ZNF704: variants seen among roughly 807,000 people sequenced by gnomAD.
The protein encoded by ZNF704 is glucocorticoid induced gene 1.
In ZNF704, 10 loss-of-function variants were observed where a neutral mutation model predicts 44.7. That is an observed-to-expected ratio of 0.22 (90% CI 0.14 to 0.38). ZNF704 has a LOEUF of 0.38. Among genes scored for constraint, ZNF704 ranks in the 10% least tolerant of loss-of-function variants. The pLI is 1.00. For synonymous variants in ZNF704, 211 were observed against 207.6 expected (o/e 1.02, Z -0.14); for missense variants, 390 against 545.5 (o/e 0.71, Z 2.84).
In ZNF704 at chr8:80,719,524, G is replaced by A. The variant is rs184149590; in HGVS notation, c.222-26417C>T. ...GGTGGCCCTTTTCAAAATGTGCACC[G>A]GTCAATTATCACAAAGCTTTAAGGA... On this transcript the variant is annotated intron_variant, in intron 2 of 8. Coordinates refer to ENST00000327835, the MANE Select transcript of ZNF704 (RefSeq NM_001033723.3). Among the ~76,000 whole-genome samples, 212 of 152,166 alleles carry A rather than the reference G, an allele frequency of 1.4e-3. 1 individual carries two copies. Among genetic ancestry groups the A allele is most frequent in the African/African-American group, 4.9e-3 (202 of 41,502 alleles).
chr8:80,674,212 A>G (rs1336094545), intron 4 of ZNF704, among the ~76,000 whole-genome samples: 2 of 152,228 alleles, frequency 1.3e-5, no homozygotes, highest in Non-Finnish European at 2.9e-5. Context: ...GAAATGTAAG[A>G]TGCGCCAGAT....
At chr8:80,646,611 CAG>C (rs1208870176) in intron 7 of ZNF704, among the ~76,000 whole-genome samples, 1 of 152,136 alleles carries the variant, frequency 6.6e-6, no homozygotes, top group Non-Finnish European at 1.5e-5. Flanking sequence ...AGGTAACATT[CAG>C]AGTTTTTAAA....
chr8:80,762,233 G>A (rs965631283), intron 2 of ZNF704, among the ~76,000 whole-genome samples: 1 of 152,218 alleles, frequency 6.6e-6, no homozygotes, highest in Non-Finnish European at 1.5e-5. Flanking sequence ...TGAAGGGGCA[G>A]AAGTCATAAG....
intron 1 of ZNF704, among the ~76,000 whole-genome samples, chr8:80,871,594 G>C (rs1262451530): frequency 6.6e-6 from 1 of 152,170 alleles, no homozygotes; most frequent in Middle Eastern, 3.2e-3. Context: ...TTGTTGCTAT[G>C]ATGCCTCTCA....
At chr8:80,843,947 G>GTA (rs902499336) in intron 1 of ZNF704, among the ~76,000 whole-genome samples, 1 of 141,296 alleles carries the variant, frequency 7.1e-6, no homozygotes, top group Non-Finnish European at 1.6e-5. Context: ...ATATGTGTAT[G>GTA]TATATATATG....
rs181522166 is a variant in ZNF704, at chr8:80,843,037, G to A, written c.-21-21422C>T. On this transcript the variant is annotated intron_variant, in intron 1 of 8. Coordinates refer to ENST00000327835, the MANE Select transcript of ZNF704 (RefSeq NM_001033723.3). ...AAGACAACTCTACATTAGCTAAAAT[G>A]TACCTACAGCTCTGTACCACTGCTA... Among the ~76,000 whole-genome samples the A allele has an allele frequency of 2.8e-4, 43 of 152,214 alleles. 1 individual carries two copies. Among genetic ancestry groups the A allele is most frequent in the African/African-American group, 9.9e-4 (41 of 41,540 alleles).
chr8:80,876,205 C>T (rs1432838912), upstream of ZNF704, among the ~76,000 whole-genome samples: 3 of 152,166 alleles, frequency 2.0e-5, no homozygotes, highest in East Asian at 5.8e-4. Context: ...ATTTAGATCA[C>T]ACCATTTTCT....
At chr8:80,820,416 A>G (rs1808249466) in intron 2 of ZNF704, among the ~76,000 whole-genome samples, 1 of 152,156 alleles carries the variant, frequency 6.6e-6, no homozygotes, top group African/African-American at 2.4e-5. Context: ...ACTTGTTTTT[A>G]GAAAGACAAA....
rs1817726160 is a variant in ZNF704, at chr8:80,640,582, T to C, written c.*784A>G. On this transcript the variant is annotated 3_prime_UTR_variant, in exon 9 of 9. Coordinates refer to ENST00000327835, the MANE Select transcript of ZNF704 (RefSeq NM_001033723.3). ...AGTTGTGGCAGGTAGAGAGTAGAGTTAGCTGTGCTGCCTTTAGGGGAAGAG... is the reference window on the plus strand; with the variant it reads ...AGTTGTGGCAGGTAGAGAGTAGAGTCAGCTGTGCTGCCTTTAGGGGAAGAG... 1 of 152,220 alleles carries C rather than the reference T, an allele frequency of 6.6e-6. No individual in the cohort carries two copies. Among genetic ancestry groups the C allele is most frequent in the Non-Finnish European group, 1.5e-5 (1 of 68,072 alleles). 9.4% of individuals were successfully genotyped at this position (152,220 alleles called of 1,614,324 possible).
At chr8:80,800,036 G>C (rs1424882203) in intron 2 of ZNF704, among the ~76,000 whole-genome samples, 2 of 152,142 alleles carry the variant, frequency 1.3e-5, no homozygotes, top group Non-Finnish European at 2.9e-5. Context: ...TAAGTATCAA[G>C]AGCAGAATAG....
chr8:80,848,783 T>C (rs1808810161), intron 1 of ZNF704, among the ~76,000 whole-genome samples: 1 of 151,500 alleles, frequency 6.6e-6, no homozygotes, highest in Non-Finnish European at 1.5e-5. Context: ...AAAAAAAAAG[T>C]TTTAAAAACT....
At chr8:80,701,049 G>A (rs1401945984) in intron 2 of ZNF704, among the ~76,000 whole-genome samples, 2 of 152,098 alleles carry the variant, frequency 1.3e-5, no homozygotes, top group African/African-American at 4.8e-5. Flanking sequence ...GTCCACTGGT[G>A]GCTCAGCGGG....
At chr8:80,811,842 G>T (rs1258500972) in intron 2 of ZNF704, among the ~76,000 whole-genome samples, 1 of 152,210 alleles carries the variant, frequency 6.6e-6, no homozygotes, top group Non-Finnish European at 1.5e-5. Flanking sequence ...AAGGTGAGCT[G>T]CAGTGGGCAA....
chr8:80,654,542 A>G (rs1226513972), intron 7 of ZNF704, among the ~76,000 whole-genome samples: 3 of 152,258 alleles, frequency 2.0e-5, no homozygotes, highest in African/African-American at 7.2e-5. Flanking sequence ...ATATGAACAG[A>G]CACTTCTCAA....
chr8:80,879,157 A>G (rs1809395003), upstream of ZNF704, among the ~76,000 whole-genome samples: 1 of 152,206 alleles, frequency 6.6e-6, no homozygotes, highest in Non-Finnish European at 1.5e-5. Flanking sequence ...TGTCAACTTG[A>G]AGTCTGTTTT....
At chr8:80,747,221 T>C (rs1806862045) in intron 2 of ZNF704, among the ~76,000 whole-genome samples, 1 of 152,036 alleles carries the variant, frequency 6.6e-6, no homozygotes, top group African/African-American at 2.4e-5. Flanking sequence ...AGCTCTGTGG[T>C]AGGCCACAGT....
At chr8:80,834,433 C>A (rs1808523715) in intron 1 of ZNF704, among the ~76,000 whole-genome samples, 1 of 152,110 alleles carries the variant, frequency 6.6e-6, no homozygotes, top group Non-Finnish European at 1.5e-5. Flanking sequence ...TATGTTTTGG[C>A]ATCATATGTC....
At chr8:80,731,812 G>A (rs1806586696) in intron 2 of ZNF704, among the ~76,000 whole-genome samples, 2 of 152,072 alleles carry the variant, frequency 1.3e-5, no homozygotes, top group African/African-American at 2.4e-5. Context: ...CAAGTTAAGT[G>A]GAGTTTTATT....
At chr8:80,815,417 A>C (rs1490252374) in intron 2 of ZNF704, among the ~76,000 whole-genome samples, 1 of 152,248 alleles carries the variant, frequency 6.6e-6, no homozygotes, top group Admixed American at 6.5e-5. Context: ...GGTGAAATCC[A>C]ACGAATTTAA....
Sources: allele counts gnomAD v4.1 joint callset (sites outside exome capture counted in the v4.1 genomes callset), GRCh38; gene constraint gnomAD v4.1.1; transcripts MANE v1.5; gene names NCBI Gene and HGNC (gene_info 2026-07-23, HGNC 2026-07-21).